The following VDAC2 variants were observed in gnomAD, a reference collection of about 807,000 sequenced individuals.
VDAC2 encodes the protein non-selective voltage-gated ion channel VDAC2.
A neutral mutation model predicts 36.6 loss-of-function variants in VDAC2; 6 were observed. The ratio of observed to expected loss-of-function variants is 0.16; its 90% CI spans 0.09 to 0.32. VDAC2 has a LOEUF of 0.32. Ranked by LOEUF, VDAC2 falls within the 10% of genes least tolerant of loss-of-function variation. The pLI, the probability that VDAC2 is intolerant of heterozygous loss-of-function variation, is 1.00. For missense variants in VDAC2, 247 were observed against 346.0 expected, an observed-to-expected ratio of 0.71 and a Z score of 2.27; for synonymous variants, 109 against 123.8, an observed-to-expected ratio of 0.88 and a Z score of 0.79.
At chr10:75,212,362 C>G in intron 3 of VDAC2, 64 bp downstream of exon 3, 1 of 1,386,994 alleles carries the variant, frequency 7.2e-7, no homozygotes, top group Admixed American at 2.0e-5. Flanking sequence ...GGTTGCTTAG[C>G]GAAATCAGAT....
chr10:75,222,008 C>A (rs944305781), intron 7 of VDAC2, among the ~76,000 whole-genome samples: 1 of 152,154 alleles, frequency 6.6e-6, no homozygotes, highest in Non-Finnish European at 1.5e-5. Flanking sequence ...GTTTGAGAAC[C>A]TCTTGCATGT....
chr10:75,229,928 T>A (rs1364611792), intron 9 of VDAC2, among the ~76,000 whole-genome samples: 2 of 151,990 alleles, frequency 1.3e-5, no homozygotes, highest in Non-Finnish European at 2.9e-5. Context: ...GGCCCGTCTC[T>A]TCTTTTCTGC....
chr10:75,220,058 C>T (rs1393563260), intron 6 of VDAC2, among the ~76,000 whole-genome samples: 2 of 151,364 alleles, frequency 1.3e-5, no homozygotes, highest in African/African-American at 2.4e-5. Context: ...GAACTCCTGA[C>T]CTCGTGATCT....
At chr10:75,220,418 T>C (rs536021433) in intron 6 of VDAC2, among the ~76,000 whole-genome samples, 1 of 152,334 alleles carries the variant, frequency 6.6e-6, no homozygotes, top group South Asian at 2.1e-4. Context: ...CCATATCTGC[T>C]TTTAGAATAC....
intron 4 of VDAC2, among the ~76,000 whole-genome samples, chr10:75,216,982 C>T (rs945084359): frequency 6.6e-6 from 1 of 152,176 alleles, no homozygotes; most frequent in African/African-American, 2.4e-5. Context: ...AGGCTGGTCA[C>T]AGTGGCTCAT....
chr10:75,219,033 T>A (rs370481498), intron 4 of VDAC2, 30 bp from the exon 5 acceptor site: 1 of 1,592,774 alleles, frequency 6.3e-7, no homozygotes, highest in Non-Finnish European at 8.5e-7. Flanking sequence ...CTTATGAGAA[T>A]GTTCATGAAG....
intron 6 of VDAC2, among the ~76,000 whole-genome samples, chr10:75,219,803 TTTTATTTTATTGTA>T (rs1480547017): frequency 2.1e-5 from 3 of 145,268 alleles, no homozygotes; most frequent in African/African-American, 5.2e-5. Context: ...TTTTTCCATA[TTTTATTTTATTGTA>T]TTTATTTTAT....
intron 8 of VDAC2, among the ~76,000 whole-genome samples, chr10:75,227,577 A>AGTTTTTTTTTTTTTT (rs1841990628): frequency 1.0e-5 from 1 of 99,928 alleles, no homozygotes; most frequent in African/African-American, 4.5e-5. Context: ...AATAATAGGA[A>AGTTTTTTTTTTTTTT]TTTTTTTTTT....
chr10:75,219,274 AG>A, intron 5 of VDAC2, 29 bp from the exon 6 acceptor site: 1 of 1,570,524 alleles, frequency 6.4e-7, no homozygotes, highest in South Asian at 1.2e-5. Context: ...TTTCAAAAAA[AG>A]AAAACAAATT....
intron 8 of VDAC2, among the ~76,000 whole-genome samples, chr10:75,225,126 A>T (rs1210837383): frequency 1.3e-5 from 2 of 152,208 alleles, no homozygotes; most frequent in African/African-American, 4.8e-5. Context: ...CCTCCTCAGG[A>T]TATAATACCT....
intron 3 of VDAC2, 141 bp downstream of exon 3, chr10:75,212,439 G>A: frequency 2.6e-6 from 2 of 770,278 alleles, no homozygotes; most frequent in East Asian, 2.8e-5. Context: ...TTGAGACAGG[G>A]TCTCCCTCTG....
chr10:75,211,755 C>G, intron 2 of VDAC2: 1 of 1,436,006 alleles, frequency 7.0e-7, no homozygotes, highest in Non-Finnish European at 9.5e-7. Flanking sequence ...TTTAAATTCC[C>G]AGTATTAAAT....
intron 3 of VDAC2, among the ~76,000 whole-genome samples, chr10:75,212,769 A>G (rs1169412894): frequency 2.0e-5 from 3 of 152,180 alleles, no homozygotes; most frequent in Non-Finnish European, 4.4e-5. Context: ...TTTACAGTCT[A>G]CATCCCCCTC....
intron 4 of VDAC2, among the ~76,000 whole-genome samples, chr10:75,214,741 T>G (rs1252634990): frequency 3.3e-5 from 5 of 152,210 alleles, no homozygotes; most frequent in African/African-American, 1.2e-4. Flanking sequence ...GCCAGGCTGG[T>G]CTCCAACTCC....
In VDAC2 at chr10:75,218,005, T is replaced by C. The variant is rs896339206; in HGVS notation, c.151-1058T>C. The C allele has an allele frequency of 5.8e-6, 7 of 1,197,280 alleles. No individual in the cohort carries two copies. In the African/African-American group the frequency reaches 9.4e-5, roughly 16 times the overall value. The allele number at this position is 1,197,280 out of a possible 1,614,324, so 74.2% of individuals were successfully genotyped here. A position where few individuals can be genotyped will look rare whatever the true frequency, so the allele number is the denominator to read the frequency against. On this transcript the variant is annotated intron_variant, in intron 4 of 9. Coordinates refer to ENST00000332211, the MANE Select transcript of VDAC2 (RefSeq NM_001391963.1). ...CAGGAGGCTGAGGTACGTGGATCACTTGAGCCTGGGAGGTTGAGGCTGCAG... is the reference window on the plus strand; with the variant it reads ...CAGGAGGCTGAGGTACGTGGATCACCTGAGCCTGGGAGGTTGAGGCTGCAG...
chr10:75,231,077 C>T lies in VDAC2; in HGVS notation c.*88C>T, dbSNP rs1336956896. The T allele has an allele frequency of 2.1e-6, 2 of 938,486 alleles. No individual in the cohort carries two copies. Among genetic ancestry groups the T allele is most frequent in the Non-Finnish European group, 3.2e-6 (2 of 615,814 alleles). 58.1% of individuals were successfully genotyped at this position (938,486 alleles called of 1,614,324 possible). On this transcript the variant is annotated 3_prime_UTR_variant, in exon 10 of 10. Coordinates refer to ENST00000332211, the MANE Select transcript of VDAC2 (RefSeq NM_001391963.1). ...GTGACCAGCAGCAGGCTTTTTTCCC[C>T]CAAGAAGATGATCAAAACAAAGGAT...
At chr10:75,213,588 C>A (rs1213535595) in intron 3 of VDAC2, among the ~76,000 whole-genome samples, 1 of 151,790 alleles carries the variant, frequency 6.6e-6, no homozygotes, top group Non-Finnish European at 1.5e-5. Flanking sequence ...ACTAAAAATA[C>A]AAAAAATTAG....
At chr10:75,217,991 G>A (rs1841658209) in intron 4 of VDAC2, 1 of 1,243,956 alleles carries the variant, frequency 8.0e-7, no homozygotes, top group Non-Finnish European at 1.1e-6. Context: ...AGGAGGCTGA[G>A]GTACGTGGAT....
At chr10:75,227,263 A>T (rs1312113329) in intron 8 of VDAC2, among the ~76,000 whole-genome samples, 2 of 152,188 alleles carry the variant, frequency 1.3e-5, no homozygotes, top group Non-Finnish European at 2.9e-5. Context: ...GGGTTGTGGG[A>T]ACCCCAGTTT....
Sources: gnomAD v4.1 joint callset for allele counts (sites outside exome capture counted in the v4.1 genomes callset) on GRCh38, gnomAD v4.1.1 for gene constraint, MANE v1.5 for transcripts, NCBI Gene and HGNC (gene_info 2026-07-23, HGNC 2026-07-21) for gene names.